RAD50: variants seen among roughly 807,000 people sequenced by gnomAD.
The protein encoded by RAD50 is RAD50 double strand break repair protein.
In RAD50, 132 loss-of-function variants were observed where a neutral mutation model predicts 168.8. The ratio of observed to expected loss-of-function variants is 0.78; its 90% CI spans 0.68 to 0.90. RAD50 has a LOEUF of 0.90. Among genes scored for constraint, RAD50 ranks in the 40% least tolerant of loss-of-function variants. The pLI is 0.00. For missense variants in RAD50, 1,347 were observed against 1,534.4 expected, an observed-to-expected ratio of 0.88 and a Z score of 2.04; for synonymous variants, 525 against 497.4, an observed-to-expected ratio of 1.06 and a Z score of -0.74.
At chr5:132,611,810 A>G (rs1751093235) in intron 19 of RAD50, among the ~76,000 whole-genome samples, 1 of 151,878 alleles carries the variant, frequency 6.6e-6, no homozygotes, top group Non-Finnish European at 1.5e-5. Context: ...TAATGTCTCT[A>G]TTCATAGAAA....
At position 132,642,174 on chromosome 5, in the gene RAD50, G is replaced by T. The variant is rs775426160; in HGVS notation, c.3753-4G>T. 11 of 1,612,626 alleles carry T rather than the reference G, an allele frequency of 6.8e-6. No homozygotes were observed. Among genetic ancestry groups the T allele is most frequent in the Admixed American group, 6.7e-5 (4 of 59,998 alleles). On this transcript the variant is annotated splice_region_variant and splice_polypyrimidine_tract_variant and intron_variant, in intron 24 of 24. Coordinates refer to ENST00000378823, the MANE Select transcript of RAD50 (RefSeq NM_005732.4). ...AATAATATGTTCTGAATATATTGTT[G>T]CAGGATAATAAAAAGTCGCTCACAG...
intron 21 of RAD50, among the ~76,000 whole-genome samples, chr5:132,634,837 AT>A: frequency 6.6e-6 from 1 of 152,194 alleles, no homozygotes; most frequent in South Asian, 2.1e-4. Context: ...ATCTGCTACT[AT>A]ATTAGTTGAA....
intron 2 of RAD50, among the ~76,000 whole-genome samples, chr5:132,560,989 T>C (rs1356150328): frequency 6.6e-6 from 1 of 152,256 alleles, no homozygotes; most frequent in Non-Finnish European, 1.5e-5. Context: ...CCACTAAAAG[T>C]GCCTTTGTAA....
chr5:132,606,777 A>G (rs1054805833), intron 16 of RAD50, among the ~76,000 whole-genome samples: 1 of 152,228 alleles, frequency 6.6e-6, no homozygotes, highest in Non-Finnish European at 1.5e-5. Flanking sequence ...CACCACGATC[A>G]AGTCGGCTTT....
At position 132,642,401 on chromosome 5, in the gene RAD50, C is replaced by T. The variant is rs1019992254; in HGVS notation, c.*37C>T. Reference sequence around the variant, plus strand: ...ATTTAAATGCCATAGAAATGTAGGTCCTCAGAAAGTGTATAATAAGAAACT... The same window carrying T: ...ATTTAAATGCCATAGAAATGTAGGTTCTCAGAAAGTGTATAATAAGAAACT... On this transcript the variant is annotated 3_prime_UTR_variant, in exon 25 of 25. Transcript: ENST00000378823. 4 of 1,552,462 alleles carry T rather than the reference C, an allele frequency of 2.6e-6. No homozygotes were observed. Among genetic ancestry groups the T allele is most frequent in the Admixed American group, 3.4e-5 (2 of 59,206 alleles).
At chr5:132,609,552 C>T (rs776710906) in intron 19 of RAD50, among the ~76,000 whole-genome samples, 156 bp downstream of exon 19, 2 of 152,174 alleles carry the variant, frequency 1.3e-5, no homozygotes, top group African/African-American at 2.4e-5. Flanking sequence ...AAGGCCGAGG[C>T]GGGTGGATCA....
chr5:132,618,428 G>C (rs1239285096), intron 21 of RAD50, 134 bp downstream of exon 21: 3 of 1,458,100 alleles, frequency 2.1e-6, no homozygotes, highest in African/African-American at 1.4e-5. Flanking sequence ...TCCCAGGCTG[G>C]AGTGCAATGG....
chr5:132,616,050 T>A lies in RAD50; in HGVS notation c.3084T>A (p.Asn1028Lys). The A allele has an allele frequency of 6.2e-7, 1 of 1,605,844 alleles. No homozygotes were observed. Among genetic ancestry groups the A allele is most frequent in the African/African-American group, 1.3e-5 (1 of 74,808 alleles). The part of the protein sequence containing the change: ...LQDNLTLRKR[N>K]EELKEVEEER... ...ATAACCTTACTTTAAGAAAAAGAAA[T>A]GAGGAACTAAAAGAAGTTGAAGAAG... Residue 1028 changes from asparagine (N) to lysine (K), a missense_variant, in exon 20 of 25, where the codon AAT becomes AAA. Coordinates refer to ENST00000378823, the MANE Select transcript of RAD50 (RefSeq NM_005732.4).
At chr5:132,582,006 G>T (rs1228439820) in intron 5 of RAD50, among the ~76,000 whole-genome samples, 13 of 152,170 alleles carry the variant, frequency 8.5e-5, no homozygotes, top group Admixed American at 8.5e-4. Flanking sequence ...TAAAGAAAGA[G>T]AATTTCTATC....
Position 132,643,010 on chromosome 5 carries a change from C to A in RAD50, c.*646C>A. The A allele has an allele frequency of 1.9e-6, 1 of 528,646 alleles. No homozygotes were observed. The highest frequency in any genetic ancestry group is 1.9e-5 in the African/African-American group (1 of 52,734). The allele number at this position is 528,646 out of a possible 1,614,324, so 32.7% of individuals were successfully genotyped here. ...CTCCTACATATCCCTTCCAGATGGT[C>A]ATCCAGACTCAGAGCTCTCTCTACA... On this transcript the variant is annotated 3_prime_UTR_variant, in exon 25 of 25. Coordinates refer to ENST00000378823, the MANE Select transcript of RAD50 (RefSeq NM_005732.4).
chr5:132,566,027 CA>C (rs1190999228), intron 2 of RAD50, among the ~76,000 whole-genome samples: 4 of 152,160 alleles, frequency 2.6e-5, no homozygotes, highest in Non-Finnish European at 5.9e-5. Context: ...AATGGTTTTA[CA>C]ACTAGATTGT....
Position 132,559,278 on chromosome 5 carries a change from C to G in RAD50, c.130-6C>G. 6.3e-7 allele frequency: 1 copy of G among 1,596,952 alleles called. No individual in the cohort carries two copies. Among genetic ancestry groups the G allele is most frequent in the Non-Finnish European group, 8.5e-7 (1 of 1,172,228 alleles). On this transcript the variant is annotated splice_polypyrimidine_tract_variant and splice_region_variant and intron_variant, in intron 1 of 24. Transcript: ENST00000378823. ...AACGAAATAATGTAATTTTCTATTT[C>G]TTTAGACCATCATTGAATGTCTAAA...
At chr5:132,629,961 C>G (rs1244113434) in intron 21 of RAD50, among the ~76,000 whole-genome samples, 2 of 151,946 alleles carry the variant, frequency 1.3e-5, no homozygotes, top group African/African-American at 4.8e-5. Context: ...ATATATCACT[C>G]AAGATATGGT....
chr5:132,593,163 C>T (rs1036820137), intron 11 of RAD50: 5 of 207,638 alleles, frequency 2.4e-5, no homozygotes, highest in African/African-American at 1.1e-4. Flanking sequence ...GCATTGATCT[C>T]ATAAACTTGT....
chr5:132,629,088 A>G (rs749442590), intron 21 of RAD50, among the ~76,000 whole-genome samples: 1 of 152,198 alleles, frequency 6.6e-6, no homozygotes, highest in Admixed American at 6.5e-5. Flanking sequence ...CTGAATAGAA[A>G]AACATACGTA....
intron 21 of RAD50, among the ~76,000 whole-genome samples, chr5:132,625,386 G>A (rs965845977): frequency 6.6e-6 from 1 of 152,098 alleles, no homozygotes; most frequent in Admixed American, 6.5e-5. Context: ...GCGCCCGGCC[G>A]AATTCTTTTT....
rs1580976205 is a variant in RAD50 at position 132,559,318 on chromosome 5, G to C, written c.164G>C (p.Gly55Ala). The change falls in exon 2 of 25, where the codon GGA (glycine) becomes GCA (alanine). Residue 55 changes from glycine (G) to alanine (A), a missense_variant. By Grantham distance (60) the Gly-to-Ala change is moderately conservative. Transcript: ENST00000378823. ...GAATGTCTAAAATATATTTGTACTGGAGATTTCCCTCCTGGAACCAAAGGA... is the reference window on the plus strand; with the variant it reads ...GAATGTCTAAAATATATTTGTACTGCAGATTTCCCTCCTGGAACCAAAGGA... ...IIECLKYICTGDFPPGTKGNT... is the reference protein window; with the variant it reads ...IIECLKYICTADFPPGTKGNT... 6.2e-7 allele frequency: 1 copy of C among 1,607,980 alleles called. No individual in the cohort carries two copies. Among genetic ancestry groups the C allele is most frequent in the Non-Finnish European group, 8.5e-7 (1 of 1,176,942 alleles).
In RAD50 at chr5:132,557,045, G is replaced by C; in HGVS notation, c.-280G>C. ...GGTTGCGGGGTCGCATTGTGGCTAC[G>C]GCTTTGCGTCCCCGGCGGGCAGCCC... On this transcript the variant is annotated 5_prime_UTR_variant, in exon 1 of 25. Coordinates refer to ENST00000378823, the MANE Select transcript of RAD50 (RefSeq NM_005732.4). 1.5e-6 allele frequency: 1 copy of C among 650,686 alleles called. No homozygotes were observed. Among genetic ancestry groups the C allele is most frequent in the Non-Finnish European group, 2.5e-6 (1 of 406,870 alleles). 40.3% of individuals were successfully genotyped at this position (650,686 alleles called of 1,614,324 possible).
intron 13 of RAD50, among the ~76,000 whole-genome samples, chr5:132,598,814 T>A (rs1257547769): frequency 2.0e-5 from 3 of 152,216 alleles, no homozygotes; most frequent in Non-Finnish European, 4.4e-5. Context: ...AAGCTGCAAG[T>A]CCTTTAAGGC....
Sources: allele counts gnomAD v4.1 joint callset (sites outside exome capture counted in the v4.1 genomes callset), GRCh38; gene constraint gnomAD v4.1.1; transcripts MANE v1.5; gene names NCBI Gene and HGNC (gene_info 2026-07-23, HGNC 2026-07-21).